TSC22D3: variants seen among roughly 807,000 people sequenced by gnomAD.
The protein encoded by TSC22D3 is TSC22 domain family protein 3.
TSC22D3 carries 4 observed loss-of-function variants against 11.1 expected under a neutral mutation model. That is an observed-to-expected ratio of 0.36 (90% CI 0.18 to 0.83). The LOEUF is 0.83. TSC22D3 is among the 40% of genes least tolerant of loss of function. The pLI, the probability that TSC22D3 is intolerant of heterozygous loss-of-function variation, is 0.48. For missense variants in TSC22D3, 118 were observed against 159.4 expected, an observed-to-expected ratio of 0.74 and a Z score of 1.40; for synonymous variants, 77 against 70.3, an observed-to-expected ratio of 1.10 and a Z score of -0.48.
In TSC22D3 at chrX:107,775,184, C is replaced by T. The variant is rs1930076657; in HGVS notation, c.236G>A (p.Arg79Gln). 8.3e-7 allele frequency: 1 copy of T among 1,211,951 alleles called. No homozygotes were observed. Among genetic ancestry groups the T allele is most frequent in the Non-Finnish European group, 1.1e-6 (1 of 895,589 alleles). The change falls in exon 1 of 3, where the codon CGG (arginine) becomes CAG (glutamine). Residue 79 changes from arginine to glutamine, a missense_variant. Arg to Gln is a conservative substitution (Grantham distance 43). Coordinates refer to ENST00000372383, the MANE Select transcript of TSC22D3 (RefSeq NM_198057.3). ...MRQDSLEPVL[R>Q]DPCYLINEGI... Reference sequence around the variant, plus strand: ...CTCGTTGATCAGGTAGCAGGGGTCCCGCAGCACCGGCTCTAGCGAATCCTG... The same window carrying T: ...CTCGTTGATCAGGTAGCAGGGGTCCTGCAGCACCGGCTCTAGCGAATCCTG...
At chrX:107,769,888 C>A (rs1319585608) in intron 1 of TSC22D3, among the ~76,000 whole-genome samples, 1 of 111,807 alleles carries the variant, frequency 8.9e-6, no homozygotes, top group Non-Finnish European at 1.9e-5. Context: ...CATGAAGTAT[C>A]CAAACCATGA....
At chrX:107,766,544 G>C (rs1297071907) in intron 1 of TSC22D3, among the ~76,000 whole-genome samples, 1 of 98,218 alleles carries the variant, frequency 1.0e-5, no homozygotes, top group Non-Finnish European at 2.0e-5. Flanking sequence ...TCTGCGACCT[G>C]TTCTGGGGCC....
chrX:107,724,284 G>A (rs778568864), intron 1 of TSC22D3, among the ~76,000 whole-genome samples: 40 of 112,987 alleles, frequency 3.5e-4, no homozygotes, highest in African/African-American at 1.2e-3. Context: ...AGGAGAAACA[G>A]GGCCAGCTTC....
chrX:107,716,347 G>A (rs1236769742), intron 1 of TSC22D3: 4 of 911,937 alleles, frequency 4.4e-6, no homozygotes, highest in Non-Finnish European at 5.4e-6. Flanking sequence ...ATTCCTTCTC[G>A]GCTGGTAAGC....
At chrX:107,747,682 G>T (rs760811671) in intron 1 of TSC22D3, among the ~76,000 whole-genome samples, 1 of 112,966 alleles carries the variant, frequency 8.9e-6, no homozygotes, top group African/African-American at 3.2e-5. Flanking sequence ...CCAGACACTC[G>T]GCTGTTGCCG....
chrX:107,761,571 G>A (rs770337610), intron 1 of TSC22D3, among the ~76,000 whole-genome samples: 1 of 112,047 alleles, frequency 8.9e-6, no homozygotes, highest in South Asian at 3.7e-4. Flanking sequence ...TATACACCTG[G>A]CAAGTGATGA....
At chrX:107,737,843 C>T (rs1329229478) in intron 1 of TSC22D3, among the ~76,000 whole-genome samples, 1 of 112,078 alleles carries the variant, frequency 8.9e-6, no homozygotes, top group East Asian at 2.8e-4. Flanking sequence ...AGATTTGTTG[C>T]TACCAGGCAG....
At chrX:107,744,488 T>TA (rs1290621812) in intron 1 of TSC22D3, among the ~76,000 whole-genome samples, 5 of 109,972 alleles carry the variant, frequency 4.5e-5, no homozygotes, top group Admixed American at 9.6e-5. Context: ...TTCAAAAAAA[T>TA]AAAAAAAATT....
At chrX:107,769,205 G>A (rs1368700678) in intron 1 of TSC22D3, among the ~76,000 whole-genome samples, 1 of 112,532 alleles carries the variant, frequency 8.9e-6, no homozygotes, top group Non-Finnish European at 1.9e-5. Context: ...AGTGTTCATA[G>A]CAGCATTCTT....
At chrX:107,742,261 GAGAGAGAGAGAGAGAGAGAA>G (rs1179164789) in intron 1 of TSC22D3, among the ~76,000 whole-genome samples, 8 of 66,772 alleles carry the variant, frequency 1.2e-4, no homozygotes, top group African/African-American at 3.1e-4. Flanking sequence ...ACATGTATTT[GAGAGAGAGAGAGAGAGAGAA>G]AGAGAGAGAG....
intron 1 of TSC22D3, among the ~76,000 whole-genome samples, chrX:107,751,836 G>A (rs772875598): frequency 8.9e-6 from 1 of 112,360 alleles, no homozygotes; most frequent in South Asian, 3.7e-4. Flanking sequence ...AGGGGATAAA[G>A]GTCAAAGGCA....
At chrX:107,724,621 G>T (rs1927522453) in intron 1 of TSC22D3, among the ~76,000 whole-genome samples, 1 of 112,697 alleles carries the variant, frequency 8.9e-6, no homozygotes, top group Admixed American at 9.3e-5. Context: ...TCTAGCCCAT[G>T]CCAGAATGTC....
At chrX:107,768,030 C>T (rs775546490) in intron 1 of TSC22D3, among the ~76,000 whole-genome samples, 87 of 112,412 alleles carry the variant, frequency 7.7e-4, no homozygotes, top group Non-Finnish European at 1.0e-3. Context: ...GGCTATTGCA[C>T]GATACCAACC....
intron 1 of TSC22D3, among the ~76,000 whole-genome samples, chrX:107,718,053 T>G (rs1207704489): frequency 3.6e-5 from 4 of 112,120 alleles, no homozygotes; most frequent in Non-Finnish European, 7.5e-5. Context: ...GGCCCAGCCA[T>G]GCACAGCATT....
intron 1 of TSC22D3, among the ~76,000 whole-genome samples, chrX:107,722,813 G>A (rs1230218247): frequency 8.9e-6 from 1 of 111,809 alleles, no homozygotes; most frequent in Non-Finnish European, 1.9e-5. Context: ...CCTTTCCCCT[G>A]CCCATGCTAG....
intron 1 of TSC22D3, among the ~76,000 whole-genome samples, chrX:107,743,086 C>T (rs1229490727): frequency 3.6e-5 from 4 of 112,445 alleles, no homozygotes; most frequent in Non-Finnish European, 5.6e-5. Context: ...GACACTGCCC[C>T]GTCTGACCCG....
At chrX:107,740,231 G>C (rs1384624257) in intron 1 of TSC22D3, among the ~76,000 whole-genome samples, 1 of 111,934 alleles carries the variant, frequency 8.9e-6, no homozygotes, top group Non-Finnish European at 1.9e-5. Context: ...AGGGCCACTT[G>C]TGACTAAGCA....
Position 107,714,839 on chromosome X carries a change from G to C in TSC22D3, c.373-90C>G. On this transcript the variant is annotated intron_variant, in intron 2 of 2. Coordinates refer to ENST00000372383, the MANE Select transcript of TSC22D3 (RefSeq NM_198057.3). ...GCTCTGTCATTGGTGTGCCTGTGCT[G>C]TCCTTAATGCCAGGGCCCTCCAGCC... The C allele has an allele frequency of 4.5e-6, 4 of 894,043 alleles. No individual in the cohort carries two copies. The South Asian group carries it at 8.7e-5, about 19-fold the overall frequency. 73.7% of individuals were successfully genotyped at this position (894,043 alleles called of 1,213,427 possible).
At chrX:107,749,246 A>G (rs1034212451) in intron 1 of TSC22D3, among the ~76,000 whole-genome samples, 54 of 109,515 alleles carry the variant, frequency 4.9e-4, no homozygotes, top group Non-Finnish European at 7.4e-4. Context: ...GCGTAGTGGT[A>G]GGCACCTGTA....
Sources: gnomAD v4.1 joint callset for allele counts (sites outside exome capture counted in the v4.1 genomes callset) on GRCh38, gnomAD v4.1.1 for gene constraint, MANE v1.5 for transcripts, NCBI Gene and HGNC (gene_info 2026-07-23, HGNC 2026-07-21) for gene names.